The following MSL2 variants were observed in gnomAD, a reference collection of about 807,000 sequenced individuals.
MSL2 encodes E3 ubiquitin-protein ligase MSL2.
A neutral mutation model predicts 35.8 loss-of-function variants in MSL2; 2 were observed. That is an observed-to-expected ratio of 0.06 (90% CI 0.02 to 0.18). The LOEUF is 0.18. MSL2 is among the 10% of genes least tolerant of loss of function. The pLI is 1.00. For synonymous variants in MSL2, 296 were observed against 255.7 expected (o/e 1.16, Z -1.50); for missense variants, 523 against 706.7 (o/e 0.74, Z 2.95).
intron 1 of MSL2, among the ~76,000 whole-genome samples, chr3:136,183,851 A>G (rs1330962730): frequency 6.6e-6 from 1 of 152,256 alleles, no homozygotes; most frequent in East Asian, 1.9e-4. Flanking sequence ...ATAATGAACA[A>G]TACTATCGAC....
intron 1 of MSL2, among the ~76,000 whole-genome samples, chr3:136,190,283 A>G (rs1940650802): frequency 6.6e-6 from 1 of 152,186 alleles, no homozygotes; most frequent in Admixed American, 6.5e-5. Context: ...ATAAAGAAAT[A>G]GTACAGCTAC....
At chr3:136,184,790 AACTGAGGAGGACAT>A (rs991092163) in intron 1 of MSL2, among the ~76,000 whole-genome samples, 3 of 151,292 alleles carry the variant, frequency 2.0e-5, no homozygotes, top group African/African-American at 7.3e-5. Context: ...ACCAAGGACA[AACTGAGGAGGACAT>A]ACTCCTACCA....
At chr3:136,177,680 TAAAAAAAAAAAA>T (rs397738424) in intron 1 of MSL2, among the ~76,000 whole-genome samples, 1 of 78,502 alleles carries the variant, frequency 1.3e-5, no homozygotes, top group African/African-American at 5.5e-5. Context: ...CTCCGTCTCA[TAAAAAAAAAAAA>T]AAAAAAAAAA....
chr3:136,180,329 C>A (rs1040174460), intron 1 of MSL2, among the ~76,000 whole-genome samples: 2 of 152,008 alleles, frequency 1.3e-5, no homozygotes, highest in Non-Finnish European at 2.9e-5. Context: ...TCTCTGGTCT[C>A]CAAAAATAAA....
At chr3:136,173,058 G>A (rs1940071555) in intron 1 of MSL2, among the ~76,000 whole-genome samples, 1 of 152,140 alleles carries the variant, frequency 6.6e-6, no homozygotes, top group Non-Finnish European at 1.5e-5. Flanking sequence ...AGCTACTTGG[G>A]AGGCTGAGGC....
intron 1 of MSL2, among the ~76,000 whole-genome samples, chr3:136,164,803 G>A (rs1282731450): frequency 6.6e-6 from 1 of 152,120 alleles, no homozygotes; most frequent in Non-Finnish European, 1.5e-5. Flanking sequence ...GGAAAGGTTT[G>A]ATTTAGCATA....
chr3:136,181,330 CTAAGAT>C (rs1378646023), intron 1 of MSL2, among the ~76,000 whole-genome samples: 1 of 151,898 alleles, frequency 6.6e-6, no homozygotes, highest in Non-Finnish European at 1.5e-5. Context: ...AAATACATGA[CTAAGAT>C]TAAAACAATA....
chr3:136,154,424 C>T (rs985235416), intron 1 of MSL2, among the ~76,000 whole-genome samples: 1 of 152,136 alleles, frequency 6.6e-6, no homozygotes, highest in Non-Finnish European at 1.5e-5. Context: ...AGACCCAGTT[C>T]CCATCTCCAC....
intron 1 of MSL2, among the ~76,000 whole-genome samples, chr3:136,185,517 ACT>A (rs1940493992): frequency 8.8e-6 from 1 of 113,918 alleles, no homozygotes; most frequent in Admixed American, 1.3e-4. Context: ...TTGGGACACA[ACT>A]CTTTTTTTCT....
chr3:136,174,981 A>G (rs2108079851), intron 1 of MSL2, among the ~76,000 whole-genome samples: 1 of 152,354 alleles, frequency 6.6e-6, no homozygotes, highest in Middle Eastern at 3.4e-3. Context: ...TAATAGCAAT[A>G]AACCGATGCT....
At chr3:136,193,513 G>A (rs942399764) in intron 1 of MSL2, among the ~76,000 whole-genome samples, 2 of 151,260 alleles carry the variant, frequency 1.3e-5, no homozygotes, top group Non-Finnish European at 2.9e-5. Context: ...AAAAAAAAAA[G>A]TATATGGAGA....
At chr3:136,172,965 A>T (rs1177927819) in intron 1 of MSL2, among the ~76,000 whole-genome samples, 1 of 152,110 alleles carries the variant, frequency 6.6e-6, no homozygotes, top group Admixed American at 6.5e-5. Flanking sequence ...GGAGTTCAAG[A>T]CCTGACTGTC....
At chr3:136,172,403 T>C (rs1940053526) in intron 1 of MSL2, among the ~76,000 whole-genome samples, 1 of 152,072 alleles carries the variant, frequency 6.6e-6, no homozygotes, top group Non-Finnish European at 1.5e-5. Context: ...ATGTTATTTA[T>C]ACCCTCTCTC....
chr3:136,162,636 G>A (rs1177955459), intron 1 of MSL2, among the ~76,000 whole-genome samples: 1 of 152,102 alleles, frequency 6.6e-6, no homozygotes, highest in East Asian at 1.9e-4. Flanking sequence ...AAGTGAAATA[G>A]GAAAACACTG....
chr3:136,190,006 G>A (rs957167600), intron 1 of MSL2, among the ~76,000 whole-genome samples: 3 of 151,870 alleles, frequency 2.0e-5, no homozygotes, highest in African/African-American at 4.8e-5. Context: ...ACCTGGACCC[G>A]GGAGACAAAG....
intron 1 of MSL2, among the ~76,000 whole-genome samples, chr3:136,169,454 TTG>T (rs1483404905): frequency 6.6e-6 from 1 of 152,076 alleles, no homozygotes; most frequent in Non-Finnish European, 1.5e-5. Flanking sequence ...TGTTTGTTTT[TTG>T]TGTTTTTTTT....
Position 136,195,882 on chromosome 3 carries a change from GC to G in MSL2, c.-770del. On this transcript the variant is annotated 5_prime_UTR_variant, in exon 1 of 2. Coordinates refer to ENST00000309993, the MANE Select transcript of MSL2 (RefSeq NM_018133.4). ...GCCGGCGGGCGGGAGGGGGCGGGGG[GC>G]AAGCCCGGCCGGGCCGCGGCGGCGC... is the stretch of plus-strand genomic sequence containing the variant. 2 of 926,950 alleles carry G rather than the reference GC, an allele frequency of 2.2e-6. No homozygotes were observed. The highest frequency in any genetic ancestry group is 2.6e-6 in the Non-Finnish European group (2 of 777,904). The allele number at this position is 926,950 out of a possible 1,614,324, so 57.4% of individuals were successfully genotyped here.
chr3:136,183,202 G>C (rs1345816092), intron 1 of MSL2, among the ~76,000 whole-genome samples: 1 of 152,072 alleles, frequency 6.6e-6, no homozygotes, highest in Non-Finnish European at 1.5e-5. Flanking sequence ...AGAAAAACCA[G>C]TGCGAGCAAC....
intron 1 of MSL2, among the ~76,000 whole-genome samples, chr3:136,187,000 T>A (rs959174122): frequency 4.6e-5 from 7 of 152,100 alleles, no homozygotes; most frequent in Non-Finnish European, 1.0e-4. Context: ...CAAAAAAAAA[T>A]GTCCATACAT....
Sources: allele counts gnomAD v4.1 joint callset (sites outside exome capture counted in the v4.1 genomes callset), GRCh38; gene constraint gnomAD v4.1.1; transcripts MANE v1.5; gene names NCBI Gene and HGNC (gene_info 2026-07-23, HGNC 2026-07-21).